The following PARP16 variants were observed in gnomAD, a reference collection of about 807,000 sequenced individuals.
The protein encoded by PARP16 is poly(ADP-ribose) polymerase family member 16.
PARP16 carries 31 observed loss-of-function variants against 35.0 expected under a neutral mutation model. The ratio of observed to expected loss-of-function variants is 0.88; its 90% confidence interval spans 0.66 to 1.19. PARP16 has a LOEUF of 1.19. Among genes scored for constraint, PARP16 ranks in the 50% most tolerant of loss-of-function variants. PARP16 has a pLI of 0.00. For synonymous variants in PARP16, 162 were observed against 169.5 expected (o/e 0.96, Z 0.34); for missense variants, 424 against 411.2 (o/e 1.03, Z -0.27).
At position 65,286,643 on chromosome 15, in the gene PARP16, G is replaced by C; in HGVS notation, c.-217C>G. The C allele has an allele frequency of 2.3e-6, 1 of 426,314 alleles. No individual in the cohort carries two copies. The highest frequency in any genetic ancestry group is 4.2e-6 in the Non-Finnish European group (1 of 240,728). The allele number at this position is 426,314 out of a possible 1,614,324, so 26.4% of individuals were successfully genotyped here. The stretch of plus-strand genomic sequence containing the variant: ...GGGCCGCGGCTCGCCGCCGAAGAGA[G>C]AGACCGAGGCCTGGACCGCGGGTCG... On this transcript the variant is annotated 5_prime_UTR_variant, in exon 1 of 6. Coordinates refer to ENST00000649807, the MANE Select transcript of PARP16 (RefSeq NM_001316943.2).
chr15:65,253,662 C>T (rs1253693204), downstream of PARP16, among the ~76,000 whole-genome samples: 1 of 152,038 alleles, frequency 6.6e-6, no homozygotes, highest in Non-Finnish European at 1.5e-5. Context: ...TCAATCATTA[C>T]CCTCTACTGT....
intron 5 of PARP16, among the ~76,000 whole-genome samples, chr15:65,260,006 C>T (rs1328893868): frequency 6.6e-6 from 1 of 152,136 alleles, no homozygotes; most frequent in East Asian, 1.9e-4. Context: ...TAAAGAGATG[C>T]TCCAGGGAGA....
chr15:65,280,571 A>C (rs1450009008), intron 1 of PARP16, among the ~76,000 whole-genome samples: 1 of 152,196 alleles, frequency 6.6e-6, no homozygotes, highest in Non-Finnish European at 1.5e-5. Flanking sequence ...TAAAAGCAAA[A>C]TTTTAAAATT....
At chr15:65,254,108 C>T (rs762246813), downstream of PARP16, among the ~76,000 whole-genome samples, 8 of 152,210 alleles carry the variant, frequency 5.3e-5, no homozygotes, top group Admixed American at 2.6e-4. Flanking sequence ...CGTGAACCAC[C>T]GCGCCTGGCC....
chr15:65,245,254 CCT>C (rs1335283927), intron 3 of PARP16, among the ~76,000 whole-genome samples: 1 of 152,222 alleles, frequency 6.6e-6, no homozygotes, highest in African/African-American at 2.4e-5. Flanking sequence ...CCTAACCTCC[CCT>C]GACCTGGGCT....
In PARP16 at chr15:65,263,258, G is replaced by A. The variant is rs2089794037; in HGVS notation, c.582C>T (p.Ser194=). 10 of 1,613,690 alleles carry A rather than the reference G, an allele frequency of 6.2e-6. No homozygotes were observed. Among genetic ancestry groups the A allele is most frequent in the Non-Finnish European group, 7.6e-6 (9 of 1,179,818 alleles). Reference sequence around the variant, plus strand: ...TGTGCTGCCACCCATGGCCATGGGGGCTGTATATGAGGGCCAGGCTCAAGT... The same window carrying A: ...TGTGCTGCCACCCATGGCCATGGGGACTGTATATGAGGGCCAGGCTCAAGT... ...TSDLSLALIY[S]PHGHGWQHSL... is the part of the protein sequence containing the mutation. Residue 194 remains serine, a synonymous_variant, in exon 4 of 6, where the codon AGC becomes AGT. Transcript: ENST00000649807.
chr15:65,265,533 A>T (rs530019850), intron 3 of PARP16, among the ~76,000 whole-genome samples: 82 of 152,268 alleles, frequency 5.4e-4, no homozygotes, highest in Admixed American at 1.8e-3. Context: ...TTTGACTCAT[A>T]AAAATGGGAC....
In PARP16 at chr15:65,259,319, A is replaced by G; in HGVS notation, c.*88T>C. The G allele has an allele frequency of 1.4e-6, 2 of 1,400,580 alleles. No individual in the cohort carries two copies. Among genetic ancestry groups the G allele is most frequent in the Non-Finnish European group, 2.0e-6 (2 of 1,000,468 alleles). 86.8% of individuals were successfully genotyped at this position (1,400,580 alleles called of 1,614,324 possible). ...GTCCCCCAACTGGCCCCTAGGCTCA[A>G]CCTGGCTGGACATGAGGCATAGGAG... On this transcript the variant is annotated 3_prime_UTR_variant, in exon 6 of 6. Coordinates refer to ENST00000649807, the MANE Select transcript of PARP16 (RefSeq NM_001316943.2).
At chr15:65,232,332 T>G (rs1425524025), downstream of PARP16, among the ~76,000 whole-genome samples, 1 of 152,158 alleles carries the variant, frequency 6.6e-6, no homozygotes, top group African/African-American at 2.4e-5. Flanking sequence ...TGGAGTTTGC[T>G]CCTATCAGCT....
rs1355319009 is a variant in PARP16, at chr15:65,259,231, G to T, written c.*176C>A. Reference sequence around the variant, plus strand: ...GGACTAGTAGTCCCCGTTGACTGGAGTATGGCTGGGAACATCATCAAAGGC... The same window carrying T: ...GGACTAGTAGTCCCCGTTGACTGGATTATGGCTGGGAACATCATCAAAGGC... On this transcript the variant is annotated 3_prime_UTR_variant, in exon 6 of 6. Coordinates refer to ENST00000649807, the MANE Select transcript of PARP16 (RefSeq NM_001316943.2). The T allele has an allele frequency of 4.5e-6, 3 of 666,286 alleles. No homozygotes were observed. The highest frequency in any genetic ancestry group is 2.5e-5 in the East Asian group (1 of 39,834). 41.3% of individuals were successfully genotyped at this position (666,286 alleles called of 1,614,324 possible).
At chr15:65,242,877 G>T (rs1313982916) in intron 3 of PARP16, among the ~76,000 whole-genome samples, 1 of 151,812 alleles carries the variant, frequency 6.6e-6, no homozygotes, top group East Asian at 1.9e-4. Context: ...ACCACTCCTG[G>T]CTAATTTTTG....
At chr15:65,284,115 C>T (rs1292131791) in intron 1 of PARP16, among the ~76,000 whole-genome samples, 4 of 152,112 alleles carry the variant, frequency 2.6e-5, no homozygotes, top group Non-Finnish European at 2.9e-5. Flanking sequence ...TCAGAGATAA[C>T]GCTAAACACG....
chr15:65,240,688 T>C (rs146053336), intron 3 of PARP16, among the ~76,000 whole-genome samples: 238 of 152,302 alleles, frequency 1.6e-3, no homozygotes, highest in African/African-American at 5.6e-3. Flanking sequence ...TTTTTAGCTA[T>C]TATATGCAAG....
At chr15:65,250,106 CCTTTTTTTTTT>C (rs1404378572) in intron 2 of PARP16, among the ~76,000 whole-genome samples, 2 of 104,208 alleles carry the variant, frequency 1.9e-5, no homozygotes, top group East Asian at 6.1e-4. Context: ...CACCTGCTTG[CCTTTTTTTTTT>C]TTTTTTTTTT....
intron 1 of PARP16, among the ~76,000 whole-genome samples, chr15:65,283,958 C>T (rs529076722): frequency 3.3e-5 from 5 of 152,280 alleles, no homozygotes; most frequent in African/African-American, 9.6e-5. Context: ...TACCCTGAAA[C>T]GCCTGTGCAC....
chr15:65,275,765 C>T (rs1250560453), intron 1 of PARP16, among the ~76,000 whole-genome samples: 4 of 152,164 alleles, frequency 2.6e-5, no homozygotes, highest in Non-Finnish European at 5.9e-5. Context: ...CCTCAGGTAG[C>T]TTACCCATAC....
chr15:65,282,574 A>T (rs1048064814), intron 1 of PARP16: 1 of 152,272 alleles, frequency 6.6e-6, no homozygotes, highest in Non-Finnish European at 1.5e-5. Context: ...GCTGACGGCC[A>T]TGCCTACAGA....
chr15:65,261,817 A>G (rs1250732601), intron 4 of PARP16, among the ~76,000 whole-genome samples: 1 of 152,006 alleles, frequency 6.6e-6, no homozygotes, highest in African/African-American at 2.4e-5. Flanking sequence ...TTTATCTTCC[A>G]CCCTTCGTAC....
intron 4 of PARP16, among the ~76,000 whole-genome samples, chr15:65,262,459 A>AATGACAGTTCT (rs1395390271): frequency 6.6e-6 from 1 of 152,176 alleles, no homozygotes; most frequent in Non-Finnish European, 1.5e-5. Flanking sequence ...TGGAGACTGG[A>AATGACAGTTCT]ATGACAGTTC....
Sources: gnomAD v4.1 joint callset for allele counts (sites outside exome capture counted in the v4.1 genomes callset) on GRCh38, gnomAD v4.1.1 for gene constraint, MANE v1.5 for transcripts, NCBI Gene and HGNC (gene_info 2026-07-23, HGNC 2026-07-21) for gene names.